ELL: variants seen among roughly 807,000 people sequenced by gnomAD.
The protein encoded by ELL is elongation factor for RNA polymerase II, also known as RNA polymerase II elongation factor ELL.
In ELL, 18 loss-of-function variants were observed where a neutral mutation model predicts 64.0. That is an observed-to-expected ratio of 0.28 (90% CI 0.19 to 0.42). The LOEUF (loss-of-function observed/expected upper bound fraction) is 0.42, where lower values mean the gene tolerates loss of function less well. ELL is among the 10% of genes least tolerant of loss of function. The probability of loss-of-function intolerance (pLI) is 1.00; values close to 1 mark genes in which losing one functional copy is unlikely to be tolerated. For missense variants in ELL, 797 were observed against 870.4 expected, an observed-to-expected ratio of 0.92 and a Z score of 1.06; for synonymous variants, 399 against 376.2, an observed-to-expected ratio of 1.06 and a Z score of -0.70.
intron 1 of ELL, among the ~76,000 whole-genome samples, chr19:18,506,805 G>T (rs1568398552): frequency 6.6e-6 from 1 of 152,186 alleles, no homozygotes; most frequent in Non-Finnish European, 1.5e-5. Flanking sequence ...CCTCAGCTCA[G>T]AGATTAGAGG....
intron 1 of ELL, among the ~76,000 whole-genome samples, chr19:18,499,670 A>G (rs1568395692): frequency 1.3e-5 from 2 of 152,092 alleles, no homozygotes; most frequent in African/African-American, 4.8e-5. Flanking sequence ...CCTCCCTTTC[A>G]GGGGCCACAG....
chr19:18,489,192 C>A (rs1270713041), intron 1 of ELL, among the ~76,000 whole-genome samples: 2 of 152,230 alleles, frequency 1.3e-5, no homozygotes, highest in Non-Finnish European at 2.9e-5. Flanking sequence ...AAGCAGGAGA[C>A]AGCAGGAGCT....
rs781170275 is a variant in ELL at position 18,444,887 on chromosome 19, A to T, written c.1750-19T>A. ...TGTTGGTCTGTGGGACAGCACAGTCATGCTCAGGACAGAGCCGCCCTGGGT... is the reference window on the plus strand; with the variant it reads ...TGTTGGTCTGTGGGACAGCACAGTCTTGCTCAGGACAGAGCCGCCCTGGGT... On this transcript the variant is annotated intron_variant, in intron 11 of 11. Coordinates refer to ENST00000262809, the MANE Select transcript of ELL (RefSeq NM_006532.4). 3.7e-6 allele frequency: 6 copies of T among 1,606,936 alleles called. No homozygotes were observed. The African/African-American group carries it at 8.0e-5, about 21-fold the overall frequency.
intron 1 of ELL, among the ~76,000 whole-genome samples, chr19:18,482,831 G>A (rs1975334274): frequency 6.6e-6 from 1 of 151,686 alleles, no homozygotes; most frequent in South Asian, 2.1e-4. Context: ...TCACTCTGTT[G>A]CCCAGGCAGT....
intron 1 of ELL, among the ~76,000 whole-genome samples, chr19:18,498,280 T>C (rs7256530): frequency 0.29 from 44,444 of 151,988 alleles, 7,805 homozygotes; most frequent in African/African-American, 0.49. Context: ...CTTTGCTCAG[T>C]ATTGGCCAGA....
chr19:18,502,389 C>T (rs965169257), intron 1 of ELL, among the ~76,000 whole-genome samples: 2 of 152,166 alleles, frequency 1.3e-5, no homozygotes, highest in Admixed American at 6.5e-5. Context: ...GGAGGTGTCC[C>T]AGGTGAGGGC....
At chr19:18,467,614 C>A (rs1974966660) in intron 2 of ELL, among the ~76,000 whole-genome samples, 1 of 102,794 alleles carries the variant, frequency 9.7e-6, no homozygotes, top group Non-Finnish European at 2.0e-5. Flanking sequence ...CCCTCCCCAC[C>A]CGCCCCCACC....
intron 1 of ELL, among the ~76,000 whole-genome samples, chr19:18,480,071 T>A (rs910855822): frequency 1.1e-4 from 16 of 152,178 alleles, no homozygotes; most frequent in African/African-American, 3.6e-4. Flanking sequence ...CAGAAGTCCA[T>A]CTTGCTGACT....
chr19:18,487,437 C>T (rs1456951436), intron 1 of ELL, among the ~76,000 whole-genome samples: 1 of 152,214 alleles, frequency 6.6e-6, no homozygotes, highest in African/African-American at 2.4e-5. Flanking sequence ...ACCTTGAGTG[C>T]TTAGGATGCG....
At chr19:18,456,445 G>A (rs938648083) in intron 6 of ELL, among the ~76,000 whole-genome samples, 4 of 152,368 alleles carry the variant, frequency 2.6e-5, no homozygotes, top group East Asian at 1.9e-4. Context: ...GTGGCCAGCA[G>A]TCCTCCTGGA....
intron 1 of ELL, among the ~76,000 whole-genome samples, chr19:18,474,211 G>T (rs375104563): frequency 5.9e-5 from 9 of 152,358 alleles, no homozygotes; most frequent in African/African-American, 2.2e-4. Context: ...AGCGGAAGCC[G>T]CCTGGGACAT....
At position 18,451,623 on chromosome 19, in the gene ELL, C is replaced by A; in HGVS notation, c.895G>T (p.Gly299Cys). Reference protein sequence around the residue: ...VRKLCQPQSTGSLLGDPAASS... With the variant: ...VRKLCQPQSTCSLLGDPAASS... ...GCAGCAGGGTCTCCAAGGAGGCTGC[C>A]AGTGCTCTGTGGCTGGCACAGCTTC... The change falls in exon 7 of 12, where the codon GGC becomes TGC. Residue 299 changes from glycine to cysteine, a missense_variant. Transcript: ENST00000262809. 1 of 1,506,692 alleles carries A rather than the reference C, an allele frequency of 6.6e-7. No homozygotes were observed. Among genetic ancestry groups the A allele is most frequent in the Non-Finnish European group, 8.8e-7 (1 of 1,132,970 alleles). The allele number at this position is 1,506,692 out of a possible 1,614,324, so 93.3% of individuals were successfully genotyped here. A position where few individuals can be genotyped will look rare whatever the true frequency, so the allele number is the denominator to read the frequency against.
chr19:18,448,619 T>G (rs1421396302), intron 8 of ELL: 1 of 152,246 alleles, frequency 6.6e-6, no homozygotes, highest in Non-Finnish European at 1.5e-5. Context: ...TCCGTGGGTA[T>G]TCTACAACAG....
chr19:18,494,244 G>GAGGGGAGGGGA (rs931843986), intron 1 of ELL, among the ~76,000 whole-genome samples: 3 of 151,544 alleles, frequency 2.0e-5, no homozygotes, highest in South Asian at 2.1e-4. Context: ...ATTTTAAAAA[G>GAGGGGAGGGGA]AGGGGAGGGG....
chr19:18,462,327 C>G (rs1286596424), intron 4 of ELL, among the ~76,000 whole-genome samples: 1 of 109,302 alleles, frequency 9.1e-6, no homozygotes, highest in Non-Finnish European at 1.7e-5. Context: ...CCTGATCACT[C>G]TAGTGGGCTG....
chr19:18,493,535 G>A (rs1355325397), intron 1 of ELL, among the ~76,000 whole-genome samples: 2 of 152,262 alleles, frequency 1.3e-5, no homozygotes, highest in Non-Finnish European at 2.9e-5. Context: ...AGGAGAGAGT[G>A]ACATGAACAT....
chr19:18,451,585 T>TG lies in ELL; in HGVS notation c.932dup (p.Gly312ArgfsTer18). 5 of 1,496,330 alleles carry TG rather than the reference T, an allele frequency of 3.3e-6. No individual in the cohort carries two copies. Among genetic ancestry groups the TG allele is most frequent in the Admixed American group, 2.5e-5 (1 of 39,348 alleles). 92.7% of individuals were successfully genotyped at this position (1,496,330 alleles called of 1,614,324 possible). ...GCGAGGCCGAGCGCCCACGCTCGCC[T>TG]GGGGGGCTGGAGGCAGCAGGGTCTC... is the stretch of plus-strand genomic sequence containing the variant. On this transcript the variant is annotated frameshift_variant, in exon 7 of 12. Transcript: ENST00000262809. LOFTEE classifies it high-confidence loss of function.
chr19:18,463,781 G>A (rs1033935475), intron 4 of ELL, among the ~76,000 whole-genome samples: 17 of 151,696 alleles, frequency 1.1e-4, no homozygotes, highest in Non-Finnish European at 1.8e-4. Context: ...GATCGAGACC[G>A]TCCTGGCTAA....
At chr19:18,500,652 T>C (rs997159534) in intron 1 of ELL, among the ~76,000 whole-genome samples, 2 of 152,178 alleles carry the variant, frequency 1.3e-5, no homozygotes, top group African/African-American at 4.8e-5. Context: ...ACTGGTGCCC[T>C]GCAACCTCTT....
Sources: gnomAD v4.1 joint callset for allele counts (sites outside exome capture counted in the v4.1 genomes callset) on GRCh38, gnomAD v4.1.1 for gene constraint, MANE v1.5 for transcripts, NCBI Gene and HGNC (gene_info 2026-07-23, HGNC 2026-07-21) for gene names.